The following NAA35 variants were observed in gnomAD, a reference collection of about 807,000 sequenced individuals.
The protein encoded by NAA35 is N-alpha-acetyltransferase 35, NatC auxiliary subunit.
In NAA35, 18 loss-of-function variants were observed where a neutral mutation model predicts 101.7. The observed-to-expected ratio is 0.18, with a 90% confidence interval of 0.12 to 0.26. NAA35 has a LOEUF of 0.26. Ranked by LOEUF, NAA35 falls within the 10% of genes least tolerant of loss-of-function variation. The probability of loss-of-function intolerance (pLI) is 1.00; values close to 1 mark genes in which losing one functional copy is unlikely to be tolerated. For missense variants in NAA35, 601 were observed against 886.8 expected, an observed-to-expected ratio of 0.68 and a Z score of 4.09; for synonymous variants, 267 against 273.1, an observed-to-expected ratio of 0.98 and a Z score of 0.22.
intron 2 of NAA35, among the ~76,000 whole-genome samples, chr9:85,943,513 A>T (rs1260192361): frequency 6.6e-6 from 1 of 152,158 alleles, no homozygotes; most frequent in Non-Finnish European, 1.5e-5. Context: ...CCAGCTGTGT[A>T]TAAGCAAAAT....
chr9:85,997,274 C>T (rs1205889359), intron 12 of NAA35, among the ~76,000 whole-genome samples: 1 of 151,642 alleles, frequency 6.6e-6, no homozygotes, highest in Admixed American at 6.6e-5. Context: ...GCCTTGAACT[C>T]TTGAGGTCAA....
chr9:85,999,195 TAAAC>T (rs1478474866), intron 12 of NAA35, among the ~76,000 whole-genome samples: 2 of 152,206 alleles, frequency 1.3e-5, no homozygotes, highest in South Asian at 2.1e-4. Flanking sequence ...GTTTTACAGT[TAAAC>T]AAACTAAGGT....
chr9:85,996,648 T>G, intron 12 of NAA35, 71 bp downstream of exon 12: 6 of 1,194,572 alleles, frequency 5.0e-6, no homozygotes, highest in Non-Finnish European at 6.9e-6. Context: ...ATTGTACATA[T>G]TTATGTGGTA....
chr9:85,975,655 A>C (rs1203952813), intron 8 of NAA35, among the ~76,000 whole-genome samples: 3 of 152,202 alleles, frequency 2.0e-5, no homozygotes, highest in Non-Finnish European at 4.4e-5. Context: ...GGTTGGTTGA[A>C]TCCAACCCAT....
At chr9:86,011,555 C>A (rs892834289) in intron 15 of NAA35, among the ~76,000 whole-genome samples, 1 of 151,084 alleles carries the variant, frequency 6.6e-6, no homozygotes, top group African/African-American at 2.4e-5. Flanking sequence ...GAGACAGGTT[C>A]ACCCTGTTGG....
At chr9:85,995,083 A>G (rs1034400618) in intron 11 of NAA35, among the ~76,000 whole-genome samples, 6 of 152,074 alleles carry the variant, frequency 3.9e-5, no homozygotes, top group Non-Finnish European at 8.8e-5. Context: ...CTTTTCTGTT[A>G]TTAGTAATGA....
chr9:85,963,648 G>A (rs1829619512), intron 6 of NAA35, among the ~76,000 whole-genome samples: 1 of 151,966 alleles, frequency 6.6e-6, no homozygotes, highest in African/African-American at 2.4e-5. Flanking sequence ...ATTGATATGG[G>A]TATCATTATG....
intron 11 of NAA35, among the ~76,000 whole-genome samples, chr9:85,982,900 T>C (rs1345106415): frequency 1.3e-5 from 2 of 152,180 alleles, no homozygotes; most frequent in Non-Finnish European, 2.9e-5. Flanking sequence ...TATCTCCAAA[T>C]AACTATTTTT....
At chr9:85,954,959 C>T (rs1829174430) in intron 2 of NAA35, among the ~76,000 whole-genome samples, 2 of 152,072 alleles carry the variant, frequency 1.3e-5, no homozygotes. Context: ...CTTCTGTCAC[C>T]CAGGTTGGAG....
rs921262636 is a variant in NAA35, at chr9:86,024,236, C to A, written c.*2276C>A. Among the ~76,000 whole-genome samples the A allele has an allele frequency of 1.3e-5, 2 of 152,168 alleles. No homozygotes were observed. The highest frequency in any genetic ancestry group is 3.2e-3 in the Middle Eastern group (1 of 316). ...AACTTTAGGTGACAAATCCCCATCG[C>A]ATCTATTCAGGAGGCACTGCTGGGA... On this transcript the variant is annotated 3_prime_UTR_variant, in exon 23 of 23. Transcript: ENST00000361671.
intron 6 of NAA35, among the ~76,000 whole-genome samples, chr9:85,967,604 C>T (rs921435968): frequency 1.3e-5 from 2 of 151,984 alleles, no homozygotes; most frequent in African/African-American, 4.8e-5. Context: ...AGATCGAGAC[C>T]ATCCTGGCTA....
At chr9:85,959,437 A>G (rs2117863621) in intron 4 of NAA35, among the ~76,000 whole-genome samples, 1 of 151,784 alleles carries the variant, frequency 6.6e-6, no homozygotes, top group Middle Eastern at 3.4e-3. Flanking sequence ...TGGGTCATTA[A>G]AATGATTTAT....
chr9:85,967,599 G>A (rs574084509), intron 6 of NAA35, among the ~76,000 whole-genome samples: 2 of 152,114 alleles, frequency 1.3e-5, no homozygotes, highest in African/African-American at 4.8e-5. Context: ...TCAGGAGATC[G>A]AGACCATCCT....
At chr9:85,993,612 A>G (rs1831025189) in intron 11 of NAA35, among the ~76,000 whole-genome samples, 2 of 152,206 alleles carry the variant, frequency 1.3e-5, no homozygotes, top group South Asian at 4.2e-4. Flanking sequence ...GGTTGTACAT[A>G]TTTTTCAGAC....
At chr9:85,946,437 G>A (rs559624726) in intron 2 of NAA35, among the ~76,000 whole-genome samples, 144 of 152,268 alleles carry the variant, frequency 9.5e-4, no homozygotes, top group African/African-American at 3.3e-3. Flanking sequence ...TGGGATGATG[G>A]CACCAGTGGT....
chr9:86,021,677 G>A (rs1832564989), intron 22 of NAA35, among the ~76,000 whole-genome samples: 1 of 152,098 alleles, frequency 6.6e-6, no homozygotes, highest in Non-Finnish European at 1.5e-5. Context: ...AAAACAGCTG[G>A]TCAGCCTGTT....
chr9:86,016,824 C>A, intron 18 of NAA35, 149 bp downstream of exon 18: 1 of 712,218 alleles, frequency 1.4e-6, no homozygotes. Context: ...GTCCCAGTAT[C>A]AATGACATAA....
chr9:85,980,166 G>C (rs1830374854), intron 11 of NAA35, among the ~76,000 whole-genome samples: 1 of 152,152 alleles, frequency 6.6e-6, no homozygotes, highest in South Asian at 2.1e-4. Flanking sequence ...TAAGGGTCTC[G>C]GAGCTTCCAT....
chr9:86,017,604 T>A, intron 19 of NAA35, 39 bp downstream of exon 19: 1 of 1,504,386 alleles, frequency 6.6e-7, no homozygotes, highest in East Asian at 2.3e-5. Context: ...GCCTTTTAGC[T>A]ATATCCCTAT....
Sources: gnomAD v4.1 joint callset for allele counts (sites outside exome capture counted in the v4.1 genomes callset) on GRCh38, gnomAD v4.1.1 for gene constraint, MANE v1.5 for transcripts, NCBI Gene and HGNC (gene_info 2026-07-23, HGNC 2026-07-21) for gene names.